Variants in AGPAT5 observed in about 807,000 individuals in gnomAD.
AGPAT5 encodes the protein 1-acylglycerol-3-phosphate O-acyltransferase 5.
Under a neutral mutation model 45.6 loss-of-function variants are expected in AGPAT5, and 46 were observed. That is an observed-to-expected ratio of 1.01 (90% confidence interval 0.80 to 1.29). The LOEUF (loss-of-function observed/expected upper bound fraction) is 1.29. Among genes scored for constraint, AGPAT5 ranks in the 50% most tolerant of loss-of-function variants. The pLI is 0.00. For missense variants in AGPAT5, 673 were observed against 450.7 expected (o/e 1.49, Z -4.47); for synonymous variants, 272 against 167.0 (o/e 1.63, Z -4.85).
intron 2 of AGPAT5, among the ~76,000 whole-genome samples, chr8:6,729,940 G>GATTGCTGTC (rs1800807648): frequency 6.6e-6 from 1 of 152,156 alleles, no homozygotes; most frequent in African/African-American, 2.4e-5. Flanking sequence ...ACCTTTGTTT[G>GATTGCTGTC]ATTGCTGTCC....
intron 1 of AGPAT5, among the ~76,000 whole-genome samples, chr8:6,722,969 G>A (rs1241897899): frequency 6.6e-6 from 1 of 152,154 alleles, no homozygotes; most frequent in Non-Finnish European, 1.5e-5. Context: ...ATGTTTTCTT[G>A]TGCCTTATTT....
rs775808204 is a variant in AGPAT5, at chr8:6,752,241, A to C, written c.746-2810A>C. ...CAAAGAAGAAGGAAAAATCTCCACA[A>C]GTTCACCTGTCCAGCGGTAACCCCA... is the stretch of plus-strand genomic sequence containing the variant. On this transcript the variant is annotated intron_variant, in intron 6 of 7. Coordinates refer to ENST00000285518, the MANE Select transcript of AGPAT5 (RefSeq NM_018361.5). 6.4e-4 allele frequency among the ~76,000 whole-genome samples: 98 copies of C among 152,298 alleles called. 2 individuals are homozygous for C. Among genetic ancestry groups the C allele is most frequent in the Non-Finnish European group, 7.4e-5 (5 of 68,024 alleles).
At chr8:6,733,536 A>G (rs1368437273) in intron 4 of AGPAT5, among the ~76,000 whole-genome samples, 3 of 152,196 alleles carry the variant, frequency 2.0e-5, no homozygotes, top group African/African-American at 7.2e-5. Flanking sequence ...GCAGAATGGA[A>G]TGAGATGAAC....
At position 6,757,318 on chromosome 8, in the gene AGPAT5, G is replaced by A. The variant is rs752749472; in HGVS notation, c.1025G>A (p.Arg342Lys). Reference sequence around the variant, plus strand: ...GGCATGCTTATGACCGATGCTGGAAGGAAGCTGTATGTGAACACCTGGATA... The same window carrying A: ...GGCATGCTTATGACCGATGCTGGAAAGAAGCTGTATGTGAACACCTGGATA... ...TAGMLMTDAGRKLYVNTWIYG... is the reference protein window; with the variant it reads ...TAGMLMTDAGKKLYVNTWIYG... Residue 342 changes from arginine (R) to lysine (K), a missense_variant, in exon 8 of 8, where the codon AGG becomes AAG. Coordinates refer to ENST00000285518, the MANE Select transcript of AGPAT5 (RefSeq NM_018361.5). The A allele has an allele frequency of 1.9e-6, 3 of 1,614,218 alleles. No homozygotes were observed. The highest frequency in any genetic ancestry group is 1.1e-5 in the South Asian group (1 of 91,086).
At chr8:6,723,090 A>T (rs1394753627) in intron 1 of AGPAT5, among the ~76,000 whole-genome samples, 6 of 152,064 alleles carry the variant, frequency 3.9e-5, no homozygotes. Flanking sequence ...GGTGCACTTT[A>T]ATTATTTTAT....
intron 4 of AGPAT5, among the ~76,000 whole-genome samples, chr8:6,740,484 TTAA>T (rs1241425023): frequency 5.6e-4 from 83 of 148,236 alleles, no homozygotes; most frequent in East Asian, 1.8e-3. Context: ...AAATTATTGT[TTAA>T]TAATAATATT....
At chr8:6,739,908 A>G (rs1801185784) in intron 4 of AGPAT5, among the ~76,000 whole-genome samples, 1 of 151,882 alleles carries the variant, frequency 6.6e-6, no homozygotes, top group South Asian at 2.1e-4. Context: ...ATTTTTTCTC[A>G]TCATTTTCCT....
At chr8:6,709,821 T>C (rs1396489358) in intron 1 of AGPAT5, among the ~76,000 whole-genome samples, 4 of 152,032 alleles carry the variant, frequency 2.6e-5, no homozygotes, top group Admixed American at 1.3e-4. Flanking sequence ...ATGGCCCCAG[T>C]TGGAAGTTGT....
At chr8:6,735,573 T>C (rs1801023151) in intron 4 of AGPAT5, among the ~76,000 whole-genome samples, 1 of 152,244 alleles carries the variant, frequency 6.6e-6, no homozygotes, top group South Asian at 2.1e-4. Context: ...TTGCATCTTG[T>C]TTCTCCTTTG....
intron 6 of AGPAT5, among the ~76,000 whole-genome samples, chr8:6,749,977 G>A (rs1431030585): frequency 6.6e-6 from 1 of 152,154 alleles, no homozygotes; most frequent in East Asian, 1.9e-4. Flanking sequence ...AGCCTCGGCC[G>A]TGGTGAAGCT....
At chr8:6,719,994 C>G (rs918957534) in intron 1 of AGPAT5, among the ~76,000 whole-genome samples, 2 of 152,212 alleles carry the variant, frequency 1.3e-5, no homozygotes, top group Non-Finnish European at 2.9e-5. Flanking sequence ...TGGGACTTTA[C>G]AGAACACACC....
At chr8:6,751,977 G>A (rs951496941) in intron 6 of AGPAT5, among the ~76,000 whole-genome samples, 2 of 152,094 alleles carry the variant, frequency 1.3e-5, no homozygotes, top group African/African-American at 4.8e-5. Flanking sequence ...AGGAGTTCTA[G>A]ACCAGCGTGA....
intron 1 of AGPAT5, among the ~76,000 whole-genome samples, chr8:6,711,974 G>C (rs1004810376): frequency 6.6e-6 from 1 of 152,206 alleles, no homozygotes; most frequent in Non-Finnish European, 1.5e-5. Flanking sequence ...TTCCAAATAA[G>C]AAAACATTCA....
At chr8:6,752,341 A>G (rs550734144) in intron 6 of AGPAT5, among the ~76,000 whole-genome samples, 1 of 152,242 alleles carries the variant, frequency 6.6e-6, no homozygotes, top group East Asian at 1.9e-4. Flanking sequence ...TATGTTGGAG[A>G]GAGTATGTGC....
At chr8:6,726,028 C>A (rs1012991546) in intron 2 of AGPAT5, among the ~76,000 whole-genome samples, 1 of 152,200 alleles carries the variant, frequency 6.6e-6, no homozygotes, top group Admixed American at 6.5e-5. Context: ...AGGGTTGAAG[C>A]TACAAGGGGT....
chr8:6,708,893 C>T lies in AGPAT5; in HGVS notation c.219+6C>T, dbSNP rs369624223. On this transcript the variant is annotated splice_donor_region_variant and intron_variant, in intron 1 of 7. Coordinates refer to ENST00000285518, the MANE Select transcript of AGPAT5 (RefSeq NM_018361.5). ...AGAATTACACCGGGGTCCAGGTGAGCCGCCTCCCGCTCCCGGGTCTCGGCG... is the reference window on the plus strand; with the variant it reads ...AGAATTACACCGGGGTCCAGGTGAGTCGCCTCCCGCTCCCGGGTCTCGGCG... 3.1e-6 allele frequency: 5 copies of T among 1,596,500 alleles called. No individual in the cohort carries two copies. The highest frequency in any genetic ancestry group is 4.3e-6 in the Non-Finnish European group (5 of 1,172,654).
chr8:6,718,341 C>G (rs1390992543), intron 1 of AGPAT5, among the ~76,000 whole-genome samples: 1 of 152,184 alleles, frequency 6.6e-6, no homozygotes, highest in African/African-American at 2.4e-5. Flanking sequence ...TTGATGCTTG[C>G]TTTCTTCAGC....
chr8:6,743,725 G>A (rs534676518), intron 5 of AGPAT5, among the ~76,000 whole-genome samples: 93 of 150,082 alleles, frequency 6.2e-4, no homozygotes, highest in Non-Finnish European at 1.0e-3. Flanking sequence ...GGAATTAAAT[G>A]TATCTTAATC....
In AGPAT5 at chr8:6,744,109, A is replaced by G. The variant is rs115270623; in HGVS notation, c.586+2358A>G. Among the ~76,000 whole-genome samples the G allele has an allele frequency of 2.0e-3, 305 of 152,214 alleles. 1 individual carries two copies. Among genetic ancestry groups the G allele is most frequent in the African/African-American group, 7.1e-3 (295 of 41,544 alleles). On this transcript the variant is annotated intron_variant, in intron 5 of 7. Transcript: ENST00000285518. ...AGCTAATAATATTTTATAATATAGGATATTAATATACTTAATATTACAAAA... is the reference window on the plus strand; with the variant it reads ...AGCTAATAATATTTTATAATATAGGGTATTAATATACTTAATATTACAAAA...
Sources: allele counts gnomAD v4.1 joint callset (sites outside exome capture counted in the v4.1 genomes callset), GRCh38; gene constraint gnomAD v4.1.1; transcripts MANE v1.5; gene names NCBI Gene and HGNC (gene_info 2026-07-23, HGNC 2026-07-21).